The following SENP7 variants were observed in gnomAD, a reference collection of about 807,000 sequenced individuals.
The protein encoded by SENP7 is sentrin-specific protease 7.
SENP7 carries 64 observed loss-of-function variants against 141.2 expected under a neutral mutation model. That is an observed-to-expected ratio of 0.45 (90% CI 0.37 to 0.56). SENP7 has a LOEUF of 0.56. SENP7 is among the 20% of genes least tolerant of loss of function. The probability of loss-of-function intolerance (pLI) is 0.00; values close to 1 mark genes in which losing one functional copy is unlikely to be tolerated. For missense variants in SENP7, 1,025 were observed against 1,212.2 expected (o/e 0.85, Z 2.29); for synonymous variants, 382 against 426.4 (o/e 0.90, Z 1.28).
intron 16 of SENP7, 76 bp from the exon 17 acceptor site, chr3:101,337,707 C>T (rs2059222754): frequency 8.4e-7 from 1 of 1,197,260 alleles, no homozygotes; most frequent in Admixed American, 2.9e-5. Context: ...CTTATGTGTT[C>T]TGGAAATCTT....
intron 16 of SENP7, among the ~76,000 whole-genome samples, chr3:101,339,212 A>G (rs1018500613): frequency 6.6e-6 from 1 of 152,214 alleles, no homozygotes; most frequent in African/African-American, 2.4e-5. Flanking sequence ...TGGGATAAAG[A>G]TTACTAGTAT....
chr3:101,433,204 T>G (rs1291524006), intron 4 of SENP7, among the ~76,000 whole-genome samples: 1 of 151,688 alleles, frequency 6.6e-6, no homozygotes. Flanking sequence ...ACATAAAGGG[T>G]AATAAGATAG....
chr3:101,435,006 A>G (rs1337948629), intron 4 of SENP7, among the ~76,000 whole-genome samples: 4 of 152,180 alleles, frequency 2.6e-5, no homozygotes, highest in African/African-American at 9.6e-5. Context: ...ATGAACACTG[A>G]TGCAAAAATC....
chr3:101,453,372 A>C (rs573717757), intron 4 of SENP7, among the ~76,000 whole-genome samples: 119 of 152,320 alleles, frequency 7.8e-4, no homozygotes, highest in African/African-American at 2.9e-3. Context: ...CTGGGTATAT[A>C]CCCAAAGGAT....
At chr3:101,504,687 C>T (rs919282802) in intron 1 of SENP7, among the ~76,000 whole-genome samples, 1 of 152,152 alleles carries the variant, frequency 6.6e-6, no homozygotes, top group African/African-American at 2.4e-5. Context: ...GGAATGAACT[C>T]ACGTCTTTTA....
At chr3:101,486,404 G>T (rs1475322193) in intron 3 of SENP7, among the ~76,000 whole-genome samples, 2 of 152,190 alleles carry the variant, frequency 1.3e-5, no homozygotes, top group Admixed American at 6.5e-5. Flanking sequence ...ATTAACAGTG[G>T]ATTTATCAGT....
chr3:101,361,987 TCTTA>T, intron 10 of SENP7, 126 bp from the exon 11 acceptor site: 1 of 1,030,866 alleles, frequency 9.7e-7, no homozygotes, highest in Non-Finnish European at 1.3e-6. Flanking sequence ...TTTATACTGT[TCTTA>T]CTGTGAAGAA....
At chr3:101,452,975 G>A (rs1426543354) in intron 4 of SENP7, among the ~76,000 whole-genome samples, 1 of 152,096 alleles carries the variant, frequency 6.6e-6, no homozygotes, top group Non-Finnish European at 1.5e-5. Flanking sequence ...ATCTGACAGA[G>A]GGCTAATATC....
chr3:101,402,057 G>C (rs1306344439), intron 5 of SENP7, among the ~76,000 whole-genome samples: 2 of 151,248 alleles, frequency 1.3e-5, no homozygotes, highest in Non-Finnish European at 2.9e-5. Context: ...GAAGCAGCAA[G>C]TACTGATGGA....
chr3:101,348,774 TTTACTC>T (rs1404039283), intron 12 of SENP7, among the ~76,000 whole-genome samples: 1 of 151,766 alleles, frequency 6.6e-6, no homozygotes, highest in Non-Finnish European at 1.5e-5. Context: ...TCTGAGGACT[TTTACTC>T]TTTAATTCAA....
chr3:101,394,566 G>A (rs1386372543), intron 6 of SENP7, among the ~76,000 whole-genome samples: 3 of 151,388 alleles, frequency 2.0e-5, no homozygotes, highest in Non-Finnish European at 4.4e-5. Context: ...AGGCTGGAGT[G>A]CAGTGGCGCA....
intron 4 of SENP7, among the ~76,000 whole-genome samples, chr3:101,452,360 A>C (rs2063174750): frequency 6.6e-6 from 1 of 152,204 alleles, no homozygotes; most frequent in South Asian, 2.1e-4. Context: ...ATTGGAAAAA[A>C]CTACTTTAAA....
At chr3:101,492,590 T>C (rs1223943470) in intron 3 of SENP7, among the ~76,000 whole-genome samples, 3 of 152,276 alleles carry the variant, frequency 2.0e-5, no homozygotes, top group East Asian at 3.9e-4. Context: ...ATAGGACTAA[T>C]GTCCTTATAA....
intron 6 of SENP7, among the ~76,000 whole-genome samples, chr3:101,390,310 A>C (rs2060781980): frequency 6.7e-6 from 1 of 148,888 alleles, no homozygotes; most frequent in Non-Finnish European, 1.5e-5. Context: ...TATGCTCCCT[A>C]CTCACGTCAC....
chr3:101,503,310 G>A (rs2065464534), intron 1 of SENP7, among the ~76,000 whole-genome samples: 3 of 152,216 alleles, frequency 2.0e-5, no homozygotes, highest in Admixed American at 1.3e-4. Context: ...GAGTGTAAAT[G>A]AGTACATCTG....
At chr3:101,380,720 T>C (rs2060478894) in intron 6 of SENP7, among the ~76,000 whole-genome samples, 1 of 150,616 alleles carries the variant, frequency 6.6e-6, no homozygotes, top group African/African-American at 2.4e-5. Context: ...GTATAAAATA[T>C]AAACAGACTA....
At chr3:101,445,799 G>T (rs919087344) in intron 4 of SENP7, among the ~76,000 whole-genome samples, 2 of 151,976 alleles carry the variant, frequency 1.3e-5, no homozygotes, top group African/African-American at 4.8e-5. Context: ...AAACAAAAAG[G>T]TCATCACATA....
intron 17 of SENP7, 71 bp downstream of exon 17, chr3:101,337,438 C>T (rs766000122): frequency 1.5e-4 from 173 of 1,116,478 alleles, no homozygotes; most frequent in Non-Finnish European, 2.1e-4. Flanking sequence ...TATAAAGAAG[C>T]CACTTTACTA....
At chr3:101,426,865 C>T (rs545342020) in intron 4 of SENP7, among the ~76,000 whole-genome samples, 3 of 152,006 alleles carry the variant, frequency 2.0e-5, no homozygotes, top group African/African-American at 7.3e-5. Context: ...GAAAGAAGCA[C>T]TAAATATGGA....
Sources: gnomAD v4.1 joint callset for allele counts (sites outside exome capture counted in the v4.1 genomes callset) on GRCh38, gnomAD v4.1.1 for gene constraint, MANE v1.5 for transcripts, NCBI Gene and HGNC (gene_info 2026-07-23, HGNC 2026-07-21) for gene names.